The following LYRM7 variants were observed in gnomAD, a reference collection of about 807,000 sequenced individuals.
The protein encoded by LYRM7 is complex III assembly factor LYRM7.
A neutral mutation model predicts 15.8 loss-of-function variants in LYRM7; 9 were observed. The ratio of observed to expected loss-of-function variants is 0.57; its 90% CI spans 0.34 to 0.99. The LOEUF (loss-of-function observed/expected upper bound fraction) is 0.99, where lower values mean the gene tolerates loss of function less well. Among genes scored for constraint, LYRM7 ranks in the 50% least tolerant of loss-of-function variants. LYRM7 has a pLI of 0.02. For synonymous variants in LYRM7, 39 were observed against 39.4 expected, an observed-to-expected ratio of 0.99 and a Z score of 0.04; for missense variants, 115 against 119.1, an observed-to-expected ratio of 0.97 and a Z score of 0.16.
rs1412202683 is a variant in LYRM7 at position 131,204,447 on chromosome 5, A to C, written c.*4846A>C. ...TATTTATACTCTGGAATATTTTCCA[A>C]GAGTTGAAAAGGATGAGGATACACA... On this transcript the variant is annotated 3_prime_UTR_variant, in exon 5 of 5. Coordinates refer to ENST00000379380, the MANE Select transcript of LYRM7 (RefSeq NM_181705.4). 2 of 149,738 alleles carry C rather than the reference A, an allele frequency of 1.3e-5. No individual in the cohort carries two copies. Among genetic ancestry groups the C allele is most frequent in the Non-Finnish European group, 3.0e-5 (2 of 67,614 alleles). The allele number at this position is 149,738 out of a possible 1,614,324, so 9.3% of individuals were successfully genotyped here. A position where few individuals can be genotyped will look rare whatever the true frequency, so the allele number is the denominator to read the frequency against.
intron 3 of LYRM7, among the ~76,000 whole-genome samples, chr5:131,182,713 C>T (rs943781728): frequency 4.6e-5 from 7 of 152,134 alleles, no homozygotes; most frequent in African/African-American, 1.4e-4. Context: ...GACAAACAGC[C>T]GCAGTATGAA....
At chr5:131,183,144 G>A (rs965047097) in intron 3 of LYRM7, among the ~76,000 whole-genome samples, 3 of 151,876 alleles carry the variant, frequency 2.0e-5, no homozygotes, top group Admixed American at 6.6e-5. Context: ...GATAAAAAAT[G>A]CATTTATATT....
chr5:131,175,557 C>T (rs886864813), intron 1 of LYRM7, among the ~76,000 whole-genome samples: 16 of 150,312 alleles, frequency 1.1e-4, no homozygotes, highest in Non-Finnish European at 2.2e-4. Context: ...TGTTTTGAGA[C>T]AGGGTCTCAC....
At chr5:131,177,559 A>C (rs1755621233) in intron 1 of LYRM7, among the ~76,000 whole-genome samples, 2 of 152,226 alleles carry the variant, frequency 1.3e-5, no homozygotes, top group South Asian at 4.1e-4. Flanking sequence ...TTGTCTTCTT[A>C]CAGTGGTGCT....
intron 2 of LYRM7, among the ~76,000 whole-genome samples, chr5:131,180,655 G>T (rs750200815): frequency 3.9e-5 from 6 of 152,144 alleles, no homozygotes; most frequent in Non-Finnish European, 8.8e-5. Context: ...TTCATGTTCA[G>T]TTCCACTCCT....
At chr5:131,198,492 T>C (rs559132037) in intron 4 of LYRM7, among the ~76,000 whole-genome samples, 7 of 152,318 alleles carry the variant, frequency 4.6e-5, no homozygotes, top group African/African-American at 1.7e-4. Context: ...AAGCATTTTT[T>C]GATTGATAGC....
chr5:131,202,193 A>T lies in LYRM7; in HGVS notation c.*2592A>T, dbSNP rs1756081882. 6.6e-6 allele frequency: 1 copy of T among 152,008 alleles called. No homozygotes were observed. The highest frequency in any genetic ancestry group is 2.4e-5 in the African/African-American group (1 of 41,378). The allele number at this position is 152,008 out of a possible 1,614,324, so 9.4% of individuals were successfully genotyped here. On this transcript the variant is annotated 3_prime_UTR_variant, in exon 5 of 5. Transcript: ENST00000379380. The stretch of plus-strand genomic sequence containing the variant: ...ATTTTAACTGGTTATTTAATAGTTT[A>T]ATTAGATAAAGTAATTCATGGCTGG...
At chr5:131,197,539 GTC>G (rs1238371451) in intron 4 of LYRM7, among the ~76,000 whole-genome samples, 6 of 77,950 alleles carry the variant, frequency 7.7e-5, no homozygotes, top group African/African-American at 3.0e-4. Flanking sequence ...GTTGTCTTCT[GTC>G]TTTTTTTTTT....
rs1361588858 is a variant in LYRM7, at chr5:131,202,578, C to T, written c.*2977C>T. On this transcript the variant is annotated 3_prime_UTR_variant, in exon 5 of 5. Transcript: ENST00000379380. ...TGCAGTAGCTATTCATAGGCACAGT[C>T]ATAGCACACTGCAGCCTAGAATTTC... 6.5e-6 allele frequency: 1 copy of T among 152,834 alleles called. No individual in the cohort carries two copies. Among genetic ancestry groups the T allele is most frequent in the Non-Finnish European group, 1.5e-5 (1 of 68,040 alleles). The allele number at this position is 152,834 out of a possible 1,614,324, so 9.5% of individuals were successfully genotyped here. A position where few individuals can be genotyped will look rare whatever the true frequency, so the allele number is the denominator to read the frequency against.
intron 4 of LYRM7, among the ~76,000 whole-genome samples, chr5:131,188,605 T>C (rs2149663657): frequency 6.6e-6 from 1 of 152,274 alleles, no homozygotes; most frequent in South Asian, 2.1e-4. Context: ...TGTCTGCCTT[T>C]TTATTGTTGA....
At chr5:131,195,168 T>C (rs1338063573) in intron 4 of LYRM7, among the ~76,000 whole-genome samples, 1 of 152,048 alleles carries the variant, frequency 6.6e-6, no homozygotes, top group Non-Finnish European at 1.5e-5. Flanking sequence ...CTCGGGAGGC[T>C]GAGGCAGGAG....
intron 3 of LYRM7, among the ~76,000 whole-genome samples, chr5:131,184,065 G>A (rs1318689719): frequency 6.6e-6 from 1 of 151,978 alleles, no homozygotes; most frequent in Non-Finnish European, 1.5e-5. Flanking sequence ...CCACCTCTGG[G>A]TTCAAGCAAT....
chr5:131,183,017 C>T (rs1755738058), intron 3 of LYRM7, among the ~76,000 whole-genome samples: 1 of 151,820 alleles, frequency 6.6e-6, no homozygotes, highest in South Asian at 2.1e-4. Flanking sequence ...TGATTTGGTT[C>T]CAAGAATTGA....
At chr5:131,184,645 G>GGC (rs199772606) in intron 3 of LYRM7, among the ~76,000 whole-genome samples, 5 of 145,250 alleles carry the variant, frequency 3.4e-5, no homozygotes, top group Non-Finnish European at 7.4e-5. Flanking sequence ...TTTGGCGGGG[G>GGC]GGGGGTTCCA....
chr5:131,179,982 C>A, intron 1 of LYRM7, 113 bp from the exon 2 acceptor site: 1 of 704,842 alleles, frequency 1.4e-6, no homozygotes, highest in Non-Finnish European at 2.4e-6. Context: ...ACCATATCGC[C>A]CAGGGTCTCG....
chr5:131,196,120 T>G (rs77532463), intron 4 of LYRM7, among the ~76,000 whole-genome samples: 1 of 147,566 alleles, frequency 6.8e-6, no homozygotes, highest in Non-Finnish European at 1.5e-5. Context: ...TTTTTTTTTT[T>G]GGAGATAGAG....
intron 4 of LYRM7, among the ~76,000 whole-genome samples, chr5:131,196,324 TTC>T (rs1755964941): frequency 6.6e-6 from 1 of 152,054 alleles, no homozygotes. Context: ...GCTTCTCCTG[TTC>T]TTTTTTACTA....
At chr5:131,183,087 G>C (rs927412616) in intron 3 of LYRM7, among the ~76,000 whole-genome samples, 1 of 151,562 alleles carries the variant, frequency 6.6e-6, no homozygotes, top group African/African-American at 2.4e-5. Context: ...GTACAAACTA[G>C]AGAAATTTTC....
intron 1 of LYRM7, 106 bp downstream of exon 1, chr5:131,171,144 T>C: frequency 1.7e-6 from 2 of 1,178,078 alleles, no homozygotes; most frequent in Non-Finnish European, 2.3e-6. Context: ...CCTGACCCTT[T>C]ATGGAGGATG....
Sources: gnomAD v4.1 joint callset for allele counts (sites outside exome capture counted in the v4.1 genomes callset) on GRCh38, gnomAD v4.1.1 for gene constraint, MANE v1.5 for transcripts, NCBI Gene and HGNC (gene_info 2026-07-23, HGNC 2026-07-21) for gene names.